LDLRAD4: variants seen among roughly 807,000 people sequenced by gnomAD.
LDLRAD4 encodes the protein low-density lipoprotein receptor class A domain-containing protein 4.
LDLRAD4 carries 5 observed loss-of-function variants against 17.0 expected under a neutral mutation model. That is an observed-to-expected ratio of 0.29 (90% confidence interval 0.15 to 0.62). The LOEUF (loss-of-function observed/expected upper bound fraction) is 0.62. Among genes scored for constraint, LDLRAD4 ranks in the 20% least tolerant of loss-of-function variants. The pLI is 0.84. For synonymous variants in LDLRAD4, 168 were observed against 171.8 expected (o/e 0.98, Z 0.17); for missense variants, 340 against 424.7 (o/e 0.80, Z 1.75).
At chr18:13,554,149 T>C (rs1314142727) in intron 3 of LDLRAD4, among the ~76,000 whole-genome samples, 1 of 152,196 alleles carries the variant, frequency 6.6e-6, no homozygotes, top group Non-Finnish European at 1.5e-5. Flanking sequence ...CAAATAGTTA[T>C]TGAGCCAACA....
chr18:13,469,767 G>C (rs2092718676), intron 3 of LDLRAD4, among the ~76,000 whole-genome samples: 1 of 152,310 alleles, frequency 6.6e-6, no homozygotes, highest in Middle Eastern at 3.4e-3. Context: ...AGAGTTTTGT[G>C]TTCAGGGAAG....
At chr18:13,447,733 G>A (rs187417623) in intron 3 of LDLRAD4, among the ~76,000 whole-genome samples, 6 of 152,252 alleles carry the variant, frequency 3.9e-5, no homozygotes, top group Admixed American at 3.3e-4. Context: ...TTCCTGCTTC[G>A]CAAAGGGAAA....
At chr18:13,489,757 G>C (rs954221639) in intron 3 of LDLRAD4, 2 of 152,180 alleles carry the variant, frequency 1.3e-5, no homozygotes, top group Admixed American at 1.3e-4. Flanking sequence ...CTTTCCCAGT[G>C]TGTGGGGCAC....
At chr18:13,611,937 G>T (rs2039603815) in intron 3 of LDLRAD4, 1 of 985,364 alleles carries the variant, frequency 1.0e-6, no homozygotes, top group Admixed American at 6.1e-5. Context: ...ACAGCCCGCA[G>T]CCTGGCTCGC....
chr18:13,553,424 TTAAAATATGTCTG>T (rs1222913124), intron 3 of LDLRAD4, among the ~76,000 whole-genome samples: 2 of 152,228 alleles, frequency 1.3e-5, no homozygotes, highest in Non-Finnish European at 2.9e-5. Context: ...AATGGTGTTC[TTAAAATATGTCTG>T]TAAACCGCCT....
chr18:13,492,266 A>C (rs1327407037), intron 3 of LDLRAD4, among the ~76,000 whole-genome samples: 1 of 152,232 alleles, frequency 6.6e-6, no homozygotes, highest in Admixed American at 6.5e-5. Context: ...GTGCACGGAA[A>C]GGTGAATCCT....
intron 3 of LDLRAD4, among the ~76,000 whole-genome samples, chr18:13,469,817 G>A (rs1368180308): frequency 6.6e-6 from 1 of 152,182 alleles, no homozygotes; most frequent in Non-Finnish European, 1.5e-5. Context: ...GCACAACAGT[G>A]CAAATGTTAG....
At chr18:13,336,203 G>A (rs995701508) in intron 1 of LDLRAD4, among the ~76,000 whole-genome samples, 5 of 152,194 alleles carry the variant, frequency 3.3e-5, no homozygotes, top group African/African-American at 1.2e-4. Context: ...ATTCCAACCC[G>A]AATCAAATGT....
intron 3 of LDLRAD4, among the ~76,000 whole-genome samples, chr18:13,455,964 C>T (rs180830409): frequency 1.2e-3 from 188 of 152,284 alleles, no homozygotes; most frequent in African/African-American, 4.2e-3. Flanking sequence ...ATGTAGAAGT[C>T]CTGCCGGGAC....
intron 1 of LDLRAD4, among the ~76,000 whole-genome samples, chr18:13,229,956 A>G (rs1374805432): frequency 3.3e-5 from 5 of 152,220 alleles, no homozygotes; most frequent in Admixed American, 3.3e-4. Flanking sequence ...TTCATGGAGG[A>G]GGCCAAATGC....
chr18:13,503,602 G>A (rs2093646482), intron 3 of LDLRAD4, among the ~76,000 whole-genome samples: 1 of 152,146 alleles, frequency 6.6e-6, no homozygotes. Flanking sequence ...GTGGAAAGCA[G>A]CCCCATGTGA....
chr18:13,408,533 C>T (rs1447943848), intron 2 of LDLRAD4, among the ~76,000 whole-genome samples: 6 of 151,694 alleles, frequency 4.0e-5, no homozygotes, highest in Admixed American at 2.0e-4. Context: ...AGTGCAGTGG[C>T]GTGATATTGG....
chr18:13,259,933 C>T (rs953767215), intron 1 of LDLRAD4, among the ~76,000 whole-genome samples: 8 of 152,216 alleles, frequency 5.3e-5, no homozygotes, highest in South Asian at 4.1e-4. Flanking sequence ...TTGGAGAAGC[C>T]GCTTCTTGCA....
At chr18:13,297,820 A>G (rs943408932) in intron 1 of LDLRAD4, among the ~76,000 whole-genome samples, 1 of 152,160 alleles carries the variant, frequency 6.6e-6, no homozygotes, top group Non-Finnish European at 1.5e-5. Context: ...TAATAAGTCC[A>G]GTGTTGAAGT....
At chr18:13,517,529 A>G (rs7240821) in intron 3 of LDLRAD4, among the ~76,000 whole-genome samples, 48,484 of 152,040 alleles carry the variant, frequency 0.32, 8,199 homozygotes, top group Middle Eastern at 0.51. Flanking sequence ...CATCTGTAAG[A>G]TGCAGTCAGT....
At chr18:13,249,169 A>G (rs1342571881) in intron 1 of LDLRAD4, among the ~76,000 whole-genome samples, 1 of 152,132 alleles carries the variant, frequency 6.6e-6, no homozygotes, top group Non-Finnish European at 1.5e-5. Flanking sequence ...ACCTAGGTTG[A>G]TTCTGTATCT....
At chr18:13,494,859 C>G (rs1204015873) in intron 3 of LDLRAD4, among the ~76,000 whole-genome samples, 1 of 146,202 alleles carries the variant, frequency 6.8e-6, no homozygotes, top group East Asian at 2.1e-4. Context: ...AATTCACCCT[C>G]TCTTCCTATA....
intron 3 of LDLRAD4, among the ~76,000 whole-genome samples, chr18:13,524,511 T>TA (rs1374040827): frequency 2.6e-5 from 4 of 152,232 alleles, no homozygotes; most frequent in African/African-American, 9.6e-5. Context: ...GGCCCTAAGT[T>TA]ACCTGGTCAC....
intron 2 of LDLRAD4, among the ~76,000 whole-genome samples, chr18:13,426,800 C>G (rs1304245653): frequency 6.6e-6 from 1 of 152,192 alleles, no homozygotes; most frequent in Non-Finnish European, 1.5e-5. Context: ...ATGAAGATGC[C>G]ATCACAAAAT....
Sources: gnomAD v4.1 joint callset for allele counts (sites outside exome capture counted in the v4.1 genomes callset) on GRCh38, gnomAD v4.1.1 for gene constraint, MANE v1.5 for transcripts, NCBI Gene and HGNC (gene_info 2026-07-23, HGNC 2026-07-21) for gene names.